Variants in HCN4 observed in about 807,000 individuals in gnomAD.
HCN4 encodes potassium/sodium hyperpolarization-activated cyclic nucleotide-gated channel 4.
Under a neutral mutation model 76.9 loss-of-function variants are expected in HCN4, and 29 were observed. The ratio of observed to expected loss-of-function variants is 0.38; its 90% CI spans 0.28 to 0.51. HCN4 has a LOEUF of 0.51. HCN4 is among the 20% of genes least tolerant of loss of function. The pLI is 0.90. For synonymous variants in HCN4, 772 were observed against 762.5 expected, an observed-to-expected ratio of 1.01 and a Z score of -0.21; for missense variants, 1,416 against 1,715.2, an observed-to-expected ratio of 0.83 and a Z score of 3.08.
intron 1 of HCN4, among the ~76,000 whole-genome samples, chr15:73,366,018 G>A (rs993795032): frequency 6.6e-6 from 1 of 152,186 alleles, no homozygotes; most frequent in African/African-American, 2.4e-5. Context: ...TCAGGAACCT[G>A]GCACTGGGAA....
Position 73,367,240 on chromosome 15 carries a change from C to T in HCN4, c.785+246G>A, listed in dbSNP as rs1461538932. ...CGGCAGGGGTAGGCCAGGCTCAGAA[C>T]ACCTTTTCATTCTGTCTCCAATGCA... On this transcript the variant is annotated intron_variant, in intron 1 of 7. Coordinates refer to ENST00000261917, the MANE Select transcript of HCN4 (RefSeq NM_005477.3). This position sits in a 1 kb window ranked among gnomAD's most constrained non-coding sequence, Gnocchi z 7.5. Among the ~76,000 whole-genome samples the T allele has an allele frequency of 6.6e-6, 1 of 152,110 alleles. No individual in the cohort carries two copies. Among genetic ancestry groups the T allele is most frequent in the Non-Finnish European group, 1.5e-5 (1 of 68,020 alleles).
chr15:73,343,301 C>T lies in HCN4; in HGVS notation c.1209+84G>A. ...CTGCCACAATCTGACAGCCTATGTT[C>T]AATTATCTGAGGTTCCCTGCCAGTT... On this transcript the variant is annotated intron_variant, in intron 2 of 7. Coordinates refer to ENST00000261917, the MANE Select transcript of HCN4 (RefSeq NM_005477.3). This position sits in a 1 kb window ranked among gnomAD's most constrained non-coding sequence, Gnocchi z 5.7. The T allele has an allele frequency of 7.4e-7, 1 of 1,360,132 alleles. No homozygotes were observed. The highest frequency in any genetic ancestry group is 1.0e-6 in the Non-Finnish European group (1 of 966,282). The allele number at this position is 1,360,132 out of a possible 1,614,324, so 84.3% of individuals were successfully genotyped here. A position where few individuals can be genotyped will look rare whatever the true frequency, so the allele number is the denominator to read the frequency against.
chr15:73,367,429 G>A lies in HCN4; in HGVS notation c.785+57C>T. On this transcript the variant is annotated intron_variant, in intron 1 of 7. Transcript: ENST00000261917. This position sits in a 1 kb window ranked among gnomAD's most constrained non-coding sequence, Gnocchi z 7.5. ...CTCCGGCTGGGAGGCAGGGTCAGGA[G>A]GAGGCATGCCTGCCACCGCGCAGGG... is the stretch of plus-strand genomic sequence containing the variant. The A allele has an allele frequency of 2.5e-6, 4 of 1,610,072 alleles. No individual in the cohort carries two copies. Among genetic ancestry groups the A allele is most frequent in the Non-Finnish European group, 2.5e-6 (3 of 1,179,108 alleles).
rs1292413638 is a variant in HCN4, at chr15:73,322,745, G to A, written c.3348C>T (p.Phe1116=). 1 of 1,563,004 alleles carries A rather than the reference G, an allele frequency of 6.4e-7. No individual in the cohort carries two copies. The highest frequency in any genetic ancestry group is 1.2e-5 in the South Asian group (1 of 85,270). The change falls in exon 8 of 8, where the codon TTC becomes TTT. Residue 1116 remains phenylalanine (F), a synonymous_variant. Coordinates refer to ENST00000261917, the MANE Select transcript of HCN4 (RefSeq NM_005477.3). The part of the protein sequence containing the change: ...PHSSGESMAA[F]PLFPRAGGGS... ...CACCCCCAGCCCTGGGGAAGAGCGG[G>A]AAGGCAGCCATGGACTCCCCTGAGG...
Position 73,322,346 on chromosome 15 carries a change from G to C in HCN4, c.*135C>G, listed in dbSNP as rs1595818933. ...TAAGAATACCTGGTTATTTTCTGCT[G>C]TCTTTTGTTTTTCTGGTGTGTGTGG... On this transcript the variant is annotated 3_prime_UTR_variant, in exon 8 of 8. Coordinates refer to ENST00000261917, the MANE Select transcript of HCN4 (RefSeq NM_005477.3). 2.5e-6 allele frequency: 2 copies of C among 811,368 alleles called. No homozygotes were observed. Among genetic ancestry groups the C allele is most frequent in the East Asian group, 2.8e-5 (1 of 36,290 alleles). 50.3% of individuals were successfully genotyped at this position (811,368 alleles called of 1,614,324 possible).
Position 73,321,305 on chromosome 15 carries a change from C to CTGA in HCN4, c.*1173_*1175dup, listed in dbSNP as rs1288753908. 1.3e-5 allele frequency: 2 copies of CTGA among 152,210 alleles called. No homozygotes were observed. The highest frequency in any genetic ancestry group is 6.5e-5 in the Admixed American group (1 of 15,282). 9.4% of individuals were successfully genotyped at this position (152,210 alleles called of 1,614,324 possible). A position where few individuals can be genotyped will look rare whatever the true frequency, so the allele number is the denominator to read the frequency against. ...CCTCAGCCCCCCTCAACACAGTTTT[C>CTGA]TGATGGAAGGAACACAGACTTGGGC... On this transcript the variant is annotated 3_prime_UTR_variant, in exon 8 of 8. Coordinates refer to ENST00000261917, the MANE Select transcript of HCN4 (RefSeq NM_005477.3).
At chr15:73,353,272 G>A (rs1457574622) in intron 1 of HCN4, among the ~76,000 whole-genome samples, 4 of 152,084 alleles carry the variant, frequency 2.6e-5, no homozygotes, top group African/African-American at 4.8e-5. Flanking sequence ...AATGGCCAGC[G>A]CCCTGTGCTG....
rs2042850635 is a variant in HCN4 at position 73,320,452 on chromosome 15, A to C, written c.*2029T>G. 1 of 152,218 alleles carries C rather than the reference A, an allele frequency of 6.6e-6. No individual in the cohort carries two copies. Among genetic ancestry groups the C allele is most frequent in the Non-Finnish European group, 1.5e-5 (1 of 68,094 alleles). The allele number at this position is 152,218 out of a possible 1,614,324, so 9.4% of individuals were successfully genotyped here. ...CCAACATTCTGGCTTGGAGCATGGA[A>C]GGTTCTGGATGGATAATGTGGGACC... On this transcript the variant is annotated 3_prime_UTR_variant, in exon 8 of 8. Coordinates refer to ENST00000261917, the MANE Select transcript of HCN4 (RefSeq NM_005477.3).
At chr15:73,330,267 C>T (rs936352655) in intron 3 of HCN4, among the ~76,000 whole-genome samples, 1 of 152,252 alleles carries the variant, frequency 6.6e-6, no homozygotes, top group Admixed American at 6.5e-5. Flanking sequence ...AAAACACTGT[C>T]CTCATTTTGG....
intron 2 of HCN4, among the ~76,000 whole-genome samples, chr15:73,337,061 G>C (rs2042970785): frequency 6.6e-6 from 1 of 152,200 alleles, no homozygotes; most frequent in Non-Finnish European, 1.5e-5. Flanking sequence ...TACTGGGCTT[G>C]CTCTTCCATC....
rs770502834 is a variant in HCN4, at chr15:73,368,286, G to A, written c.-16C>T. ...GCTTGTCCATGGCGCCAGGGGCCGG[G>A]GTCGGACCGGGCCGGGGGCAGGAGC... On this transcript the variant is annotated 5_prime_UTR_variant, in exon 1 of 8. Transcript: ENST00000261917. This position sits in a 1 kb window ranked among gnomAD's most constrained non-coding sequence, Gnocchi z 6.9. 1 of 1,475,252 alleles carries A rather than the reference G, an allele frequency of 6.8e-7. No individual in the cohort carries two copies. Among genetic ancestry groups the A allele is most frequent in the Non-Finnish European group, 9.0e-7 (1 of 1,117,050 alleles). The allele number at this position is 1,475,252 out of a possible 1,614,324, so 91.4% of individuals were successfully genotyped here.
intron 1 of HCN4, among the ~76,000 whole-genome samples, chr15:73,348,657 G>A (rs181973730): frequency 6.6e-6 from 1 of 152,328 alleles, no homozygotes; most frequent in Admixed American, 6.5e-5. Context: ...CACAGCCTGA[G>A]TCTTGGTTTT....
Position 73,329,681 on chromosome 15 carries a change from G to A in HCN4, c.1482C>T (p.Leu494=), listed in dbSNP as rs1041707015. 5 of 1,614,066 alleles carry A rather than the reference G, an allele frequency of 3.1e-6. No individual in the cohort carries two copies. In the African/African-American group the frequency reaches 5.3e-5, roughly 17 times the overall value. Residue 494 remains leucine, a synonymous_variant, in exon 4 of 8, where the codon CTC becomes CTT. Transcript: ENST00000261917. ...QAPVGMSDVW[L]TMLSMIVGAT... ...CACCCACGATCATGCTGAGCATGGT[G>A]AGCCAGACGTCGGACATGCCCACGG...
intron 1 of HCN4, among the ~76,000 whole-genome samples, chr15:73,347,288 T>C (rs1020094815): frequency 1.3e-5 from 2 of 151,978 alleles, no homozygotes; most frequent in African/African-American, 4.8e-5. Context: ...GACACAAGAT[T>C]AGGAGAAGTC....
At chr15:73,332,825 A>C (rs554164902) in intron 2 of HCN4, among the ~76,000 whole-genome samples, 54 of 152,284 alleles carry the variant, frequency 3.5e-4, no homozygotes, top group Admixed American at 3.1e-3. Flanking sequence ...CCTTGATCCC[A>C]AGCCCAGGTC....
intron 1 of HCN4, among the ~76,000 whole-genome samples, chr15:73,360,296 C>T (rs1256798859): frequency 1.3e-5 from 2 of 152,200 alleles, no homozygotes; most frequent in African/African-American, 2.4e-5. Context: ...CAAGACGTTA[C>T]ACAACCCACT....
At chr15:73,345,078 GGAAA>G (rs1315427321) in intron 1 of HCN4, among the ~76,000 whole-genome samples, 1 of 152,194 alleles carries the variant, frequency 6.6e-6, no homozygotes, top group East Asian at 1.9e-4. Context: ...GAAGGAAGTG[GGAAA>G]GAAAGAGATA....
At chr15:73,360,480 T>C (rs778174881) in intron 1 of HCN4, among the ~76,000 whole-genome samples, 32 of 152,236 alleles carry the variant, frequency 2.1e-4, no homozygotes, top group Non-Finnish European at 3.7e-4. Context: ...TGACTATCCC[T>C]TTCTGAGCCC....
In HCN4 at chr15:73,324,968, G is replaced by A. The variant is rs1481628267; in HGVS notation, c.1965C>T (p.Gly655=). The A allele has an allele frequency of 4.3e-6, 7 of 1,614,016 alleles. No individual in the cohort carries two copies. Among genetic ancestry groups the A allele is most frequent in the Non-Finnish European group, 5.9e-6 (7 of 1,180,040 alleles). Reference sequence around the variant, plus strand: ...GGGCTGCCTCACCTCCAAAGTAGGAGCCGTCGGCCAGCTTGGTCTCCTTGT... The same window carrying A: ...GGGCTGCCTCACCTCCAAAGTAGGAACCGTCGGCCAGCTTGGTCTCCTTGT... ...KGNKETKLAD[G]SYFGEICLLT... is the part of the protein sequence containing the mutation. The change falls in exon 6 of 8, where the codon GGC becomes GGT. Residue 655 remains glycine (G), a synonymous_variant. Coordinates refer to ENST00000261917, the MANE Select transcript of HCN4 (RefSeq NM_005477.3).
Sources: gnomAD v4.1 joint callset for allele counts (sites outside exome capture counted in the v4.1 genomes callset) on GRCh38, gnomAD v4.1.1 for gene constraint, Gnocchi (gnomAD v3.1) non-coding constraint, MANE v1.5 for transcripts, NCBI Gene and HGNC (gene_info 2026-07-23, HGNC 2026-07-21) for gene names.